The following PRCP variants were observed in gnomAD, a reference collection of about 807,000 sequenced individuals.
The protein encoded by PRCP is lysosomal Pro-X carboxypeptidase.
Under a neutral mutation model 54.2 loss-of-function variants are expected in PRCP, and 46 were observed. That is an observed-to-expected ratio of 0.85 (90% CI 0.67 to 1.09). PRCP has a LOEUF of 1.09. PRCP is among the 50% of genes least tolerant of loss of function. The probability of loss-of-function intolerance (pLI) is 0.00; values close to 1 mark genes in which losing one functional copy is unlikely to be tolerated. For missense variants in PRCP, 613 were observed against 596.8 expected (o/e 1.03, Z -0.28); for synonymous variants, 240 against 212.2 (o/e 1.13, Z -1.14).
upstream of PRCP, among the ~76,000 whole-genome samples, chr11:82,901,238 C>T (rs1259877833): frequency 1.3e-5 from 2 of 152,182 alleles, no homozygotes; most frequent in Non-Finnish European, 2.9e-5. Context: ...CCACATCGCC[C>T]CTAAATCCCG....
chr11:82,900,731 C>T (rs1860265136), upstream of PRCP: 1 of 516,848 alleles, frequency 1.9e-6, no homozygotes, highest in African/African-American at 1.9e-5. Flanking sequence ...CATGCTTTAT[C>T]TATAGCGCCC....
chr11:82,859,338 C>T (rs181027299), intron 2 of PRCP, among the ~76,000 whole-genome samples: 1 of 152,290 alleles, frequency 6.6e-6, no homozygotes, highest in East Asian at 1.9e-4. Flanking sequence ...AATGTAACTA[C>T]AACTTTACCT....
chr11:82,871,462 A>C (rs1464761687), intron 1 of PRCP, among the ~76,000 whole-genome samples: 3 of 152,176 alleles, frequency 2.0e-5, no homozygotes, highest in Non-Finnish European at 4.4e-5. Flanking sequence ...TATAGGCATA[A>C]GCCATTGCAC....
chr11:82,896,920 T>G (rs1054899256), intron 1 of PRCP, among the ~76,000 whole-genome samples: 9 of 151,972 alleles, frequency 5.9e-5, no homozygotes, highest in Admixed American at 5.9e-4. Flanking sequence ...TGCTCCCAAT[T>G]TTACCACTGA....
Position 82,889,544 on chromosome 11 carries a change from C to G in PRCP, c.168+10691G>C, listed in dbSNP as rs545875282. Among the ~76,000 whole-genome samples, 9 of 150,746 alleles carry G rather than the reference C, an allele frequency of 6.0e-5. No homozygotes were observed. In the South Asian group the frequency reaches 1.9e-3, roughly 32 times the overall value. On this transcript the variant is annotated intron_variant, in intron 1 of 8. Coordinates refer to ENST00000313010, the MANE Select transcript of PRCP (RefSeq NM_005040.4). Reference sequence around the variant, plus strand: ...GCAGAGGAAGCTGCAGAAGCAGCAGCAGAAGACGCAGCAGCAGGAGCAGCA... The same window carrying G: ...GCAGAGGAAGCTGCAGAAGCAGCAGGAGAAGACGCAGCAGCAGGAGCAGCA...
intron 1 of PRCP, among the ~76,000 whole-genome samples, chr11:82,878,098 G>A (rs1859649745): frequency 6.6e-6 from 1 of 152,182 alleles, no homozygotes; most frequent in African/African-American, 2.4e-5. Flanking sequence ...CTGGATTTCG[G>A]ACTTGCATGG....
chr11:82,877,609 C>A (rs556590942), intron 1 of PRCP, among the ~76,000 whole-genome samples: 2 of 152,332 alleles, frequency 1.3e-5, no homozygotes, highest in African/African-American at 2.4e-5. Context: ...TAAGCCTTAG[C>A]AGCTTCCACA....
chr11:82,883,441 G>A (rs1297350554), intron 1 of PRCP, among the ~76,000 whole-genome samples: 2 of 152,154 alleles, frequency 1.3e-5, no homozygotes, highest in African/African-American at 4.8e-5. Flanking sequence ...TGAAAAATGT[G>A]TAATGTCTGG....
chr11:82,898,003 A>C (rs1019626961), intron 1 of PRCP, among the ~76,000 whole-genome samples: 10 of 152,218 alleles, frequency 6.6e-5, no homozygotes, highest in Non-Finnish European at 1.5e-4. Context: ...GAAGGCATCA[A>C]AGTATTTCAT....
intron 1 of PRCP, among the ~76,000 whole-genome samples, chr11:82,866,082 T>G (rs1047801828): frequency 2.6e-5 from 4 of 152,244 alleles, no homozygotes; most frequent in Non-Finnish European, 4.4e-5. Context: ...ACTCCTGGTT[T>G]ATTTCTTCTT....
chr11:82,874,706 A>G (rs569949340), intron 1 of PRCP, among the ~76,000 whole-genome samples: 1,987 of 151,584 alleles, frequency 0.013, 39 homozygotes, highest in African/African-American at 0.045. Flanking sequence ...AAAAAAAAAA[A>G]AAAGAAAAAA....
At chr11:82,878,400 T>C (rs1859658035) in intron 1 of PRCP, among the ~76,000 whole-genome samples, 2 of 152,152 alleles carry the variant, frequency 1.3e-5, no homozygotes, top group African/African-American at 2.4e-5. Context: ...TTTGGCTGTG[T>C]CCCCACCCAA....
At chr11:82,846,361 T>C (rs1858809997) in intron 6 of PRCP, among the ~76,000 whole-genome samples, 1 of 151,966 alleles carries the variant, frequency 6.6e-6, no homozygotes, top group East Asian at 1.9e-4. Flanking sequence ...GGAGACGTAG[T>C]GGAAAAATTC....
At chr11:82,887,135 CCTT>C (rs1859879225) in intron 1 of PRCP, among the ~76,000 whole-genome samples, 1 of 152,138 alleles carries the variant, frequency 6.6e-6, no homozygotes, top group South Asian at 2.1e-4. Context: ...TTATCATCTC[CCTT>C]CTTCTAGTTC....
intron 3 of PRCP, among the ~76,000 whole-genome samples, chr11:82,852,662 C>T (rs937574515): frequency 2.6e-5 from 4 of 152,166 alleles, no homozygotes; most frequent in African/African-American, 9.7e-5. Flanking sequence ...TAGGTAGAGT[C>T]TGTGACAAAG....
intron 1 of PRCP, among the ~76,000 whole-genome samples, chr11:82,887,613 C>A (rs77050295): frequency 0.02 from 3,075 of 152,266 alleles, 107 homozygotes; most frequent in African/African-American, 0.069. Context: ...GTCTCAGAAG[C>A]AAAGTCTCTT....
chr11:82,877,489 C>T (rs1207158518), intron 1 of PRCP, among the ~76,000 whole-genome samples: 1 of 152,182 alleles, frequency 6.6e-6, no homozygotes, highest in East Asian at 1.9e-4. Flanking sequence ...CCCAGGGTCC[C>T]CATGCTGTGT....
At chr11:82,886,217 ATTC>A (rs1287550867) in intron 1 of PRCP, among the ~76,000 whole-genome samples, 1 of 152,232 alleles carries the variant, frequency 6.6e-6, no homozygotes, top group Non-Finnish European at 1.5e-5. Context: ...AATTCTGCTT[ATTC>A]TTCAACTTTA....
At chr11:82,859,836 G>A (rs1404096425) in intron 2 of PRCP, 141 bp downstream of exon 2, 3 of 720,106 alleles carry the variant, frequency 4.2e-6, no homozygotes, top group Non-Finnish European at 4.1e-6. Flanking sequence ...TATTATTAGT[G>A]TGTTAATTTT....
Sources: gnomAD v4.1 joint callset for allele counts (sites outside exome capture counted in the v4.1 genomes callset) on GRCh38, gnomAD v4.1.1 for gene constraint, MANE v1.5 for transcripts, NCBI Gene and HGNC (gene_info 2026-07-23, HGNC 2026-07-21) for gene names.